Variants in GALNT8 observed in about 807,000 individuals in gnomAD.
The protein encoded by GALNT8 is polypeptide N-acetylgalactosaminyltransferase 8.
A neutral mutation model predicts 62.7 loss-of-function variants in GALNT8; 66 were observed. The ratio of observed to expected loss-of-function variants is 1.05; its 90% CI spans 0.86 to 1.29. The LOEUF (loss-of-function observed/expected upper bound fraction) is 1.29, where lower values mean the gene tolerates loss of function less well. GALNT8 is among the 50% of genes most tolerant of loss of function. The pLI, the probability that GALNT8 is intolerant of heterozygous loss-of-function variation, is 0.00. For synonymous variants in GALNT8, 288 were observed against 294.3 expected (o/e 0.98, Z 0.22); for missense variants, 771 against 791.8 (o/e 0.97, Z 0.32).
chr12:4,760,333 C>G (rs117286043), intron 6 of GALNT8, among the ~76,000 whole-genome samples: 1 of 152,206 alleles, frequency 6.6e-6, no homozygotes, highest in African/African-American at 2.4e-5. Context: ...TGTTAGCTGA[C>G]AGCATGGCAG....
rs969801478 is a variant in GALNT8 at position 4,771,586 on chromosome 12, A to C, written c.1762-859A>C. Among the ~76,000 whole-genome samples, 4 of 152,178 alleles carry C rather than the reference A, an allele frequency of 2.6e-5. No homozygotes were observed. The East Asian group carries it at 5.8e-4, about 22-fold the overall frequency. The stretch of plus-strand genomic sequence containing the variant: ...GCAGTTTGTCTGAAGGGGAACAGTG[A>C]GGTCAGGGTTTTTCACTAGCCATCA... On this transcript the variant is annotated intron_variant, in intron 10 of 10. Coordinates refer to ENST00000252318, the MANE Select transcript of GALNT8 (RefSeq NM_017417.2).
At chr12:4,745,296 A>G (rs558562367) in intron 4 of GALNT8, 133 bp from the exon 5 acceptor site, 5 of 662,826 alleles carry the variant, frequency 7.5e-6, no homozygotes, top group Admixed American at 2.2e-5. Flanking sequence ...AGAGAGTTCT[A>G]CTCACAACCC....
rs1206666110 is a variant in GALNT8 at position 4,726,143 on chromosome 12, G to A, written c.212-389G>A. 6.6e-6 allele frequency among the ~76,000 whole-genome samples: 1 copy of A among 152,090 alleles called. No individual in the cohort carries two copies. The highest frequency in any genetic ancestry group is 1.5e-5 in the Non-Finnish European group (1 of 68,012). ...CTCAGATCCTGATTTAGTGGATTTG[G>A]AGATTAGCCTGGGTATCTACATTAA... On this transcript the variant is annotated intron_variant, in intron 1 of 10. Coordinates refer to ENST00000252318, the MANE Select transcript of GALNT8 (RefSeq NM_017417.2). This position sits in a 1 kb window ranked among gnomAD's most constrained non-coding sequence, Gnocchi z 4.1.
intron 6 of GALNT8, among the ~76,000 whole-genome samples, chr12:4,754,403 GAGCTGGCACTCAAACCACA>G (rs1396897443): frequency 6.6e-6 from 1 of 152,116 alleles, no homozygotes; most frequent in Non-Finnish European, 1.5e-5. Context: ...GAGCTTGACT[GAGCTGGCACTCAAACCACA>G]AGACACACTT....
At chr12:4,770,414 A>G (rs1565391661) in intron 10 of GALNT8, among the ~76,000 whole-genome samples, 1 of 152,176 alleles carries the variant, frequency 6.6e-6, no homozygotes, top group African/African-American at 2.4e-5. Flanking sequence ...TGTGTGGAAC[A>G]CTGTCAAAGC....
At chr12:4,721,790 G>A (rs531348778) in intron 1 of GALNT8, among the ~76,000 whole-genome samples, 4 of 152,114 alleles carry the variant, frequency 2.6e-5, no homozygotes, top group East Asian at 1.9e-4. Flanking sequence ...TACGGGTGTC[G>A]GGCTGGGGGA....
intron 6 of GALNT8, among the ~76,000 whole-genome samples, chr12:4,758,923 G>A (rs1946359449): frequency 6.6e-6 from 1 of 151,836 alleles, no homozygotes; most frequent in Admixed American, 6.6e-5. Context: ...TTACAGGTGT[G>A]CACCACCACA....
chr12:4,743,958 A>G (rs1430259847), intron 3 of GALNT8, among the ~76,000 whole-genome samples: 4 of 152,198 alleles, frequency 2.6e-5, no homozygotes, highest in African/African-American at 7.2e-5. Context: ...CCTGTAAACA[A>G]TCTAGGAATA....
intron 6 of GALNT8, 35 bp downstream of exon 6, chr12:4,746,293 C>T: frequency 8.8e-7 from 1 of 1,140,042 alleles, no homozygotes; most frequent in Non-Finnish European, 1.3e-6. Context: ...TGGGACAAAG[C>T]AGAAAGGGGA....
chr12:4,755,950 C>G (rs1000873385), intron 6 of GALNT8, among the ~76,000 whole-genome samples: 1 of 152,128 alleles, frequency 6.6e-6, no homozygotes. Flanking sequence ...TAGCAGCTAC[C>G]TAGGACAGAA....
intron 2 of GALNT8, among the ~76,000 whole-genome samples, chr12:4,733,891 T>C (rs2137523025): frequency 6.6e-6 from 1 of 152,332 alleles, no homozygotes; most frequent in Middle Eastern, 3.4e-3. Flanking sequence ...GGGAATTCCA[T>C]GGGGTGACTC....
rs1946258823 is a variant in GALNT8, at chr12:4,739,124, T to G, written c.510-39T>G. 2.3e-6 allele frequency: 3 copies of G among 1,321,754 alleles called. No individual in the cohort carries two copies. In the South Asian group the frequency reaches 4.0e-5, roughly 17 times the overall value. 81.9% of individuals were successfully genotyped at this position (1,321,754 alleles called of 1,614,324 possible). On this transcript the variant is annotated intron_variant, in intron 2 of 10. Transcript: ENST00000252318. Reference sequence around the variant, plus strand: ...GATTGGATAGCAGTGTTGAAGTAATTAAAAAAAAATAATATGTTATAAAAA... The same window carrying G: ...GATTGGATAGCAGTGTTGAAGTAATGAAAAAAAAATAATATGTTATAAAAA...
chr12:4,753,884 C>T (rs1031867056), intron 6 of GALNT8, among the ~76,000 whole-genome samples: 3 of 152,190 alleles, frequency 2.0e-5, no homozygotes, highest in Non-Finnish European at 2.9e-5. Flanking sequence ...TAAGCTGTAC[C>T]TGCTTTAGGG....
At chr12:4,742,734 G>A (rs747548193) in intron 3 of GALNT8, among the ~76,000 whole-genome samples, 1 of 152,066 alleles carries the variant, frequency 6.6e-6, no homozygotes, top group Non-Finnish European at 1.5e-5. Flanking sequence ...CTGGGTCGGG[G>A]TGGAGAGCTA....
intron 1 of GALNT8, among the ~76,000 whole-genome samples, chr12:4,722,043 CAT>C (rs1308001262): frequency 1.3e-5 from 2 of 152,216 alleles, no homozygotes; most frequent in Non-Finnish European, 1.5e-5. Context: ...CGACACAGCA[CAT>C]GTTTCAGGGA....
At chr12:4,740,478 C>G (rs1451551144) in intron 3 of GALNT8, among the ~76,000 whole-genome samples, 1 of 149,512 alleles carries the variant, frequency 6.7e-6, no homozygotes, top group East Asian at 2.0e-4. Context: ...GGCTGGAGTG[C>G]AGTGGTGGGA....
Position 4,728,190 on chromosome 12 carries a change from G to A in GALNT8, c.509+1361G>A, listed in dbSNP as rs371530947. 2.5e-4 allele frequency among the ~76,000 whole-genome samples: 34 copies of A among 135,184 alleles called. No individual in the cohort carries two copies. In the East Asian group the frequency reaches 6.0e-3, roughly 24 times the overall value. The allele number at this position is 135,184 out of a possible 152,430, so 88.7% of individuals were successfully genotyped here. The stretch of plus-strand genomic sequence containing the variant: ...TTTGGAGAAATGTCTATTTGGAGAC[G>A]TTCTTTTAAAAAAAAATTGGCTTAT... On this transcript the variant is annotated intron_variant, in intron 2 of 10. Coordinates refer to ENST00000252318, the MANE Select transcript of GALNT8 (RefSeq NM_017417.2).
intron 2 of GALNT8, among the ~76,000 whole-genome samples, chr12:4,729,812 C>A (rs1357659383): frequency 6.6e-6 from 1 of 152,134 alleles, no homozygotes; most frequent in African/African-American, 2.4e-5. Context: ...ATACTGTTTT[C>A]TTTATTGGGT....
intron 6 of GALNT8, among the ~76,000 whole-genome samples, chr12:4,750,594 A>G (rs1038855955): frequency 1.3e-5 from 2 of 152,124 alleles, no homozygotes; most frequent in African/African-American, 4.8e-5. Flanking sequence ...TCTATCATTG[A>G]TGGGCATTTA....
Sources: gnomAD v4.1 joint callset for allele counts (sites outside exome capture counted in the v4.1 genomes callset) on GRCh38, gnomAD v4.1.1 for gene constraint, Gnocchi (gnomAD v3.1) non-coding constraint, MANE v1.5 for transcripts, NCBI Gene and HGNC (gene_info 2026-07-23, HGNC 2026-07-21) for gene names.